CFAP54: variants seen among roughly 807,000 people sequenced by gnomAD.
CFAP54 encodes the protein cilia and flagella associated protein 54, also known as cilia- and flagella-associated protein 54.
In CFAP54, 290 loss-of-function variants were observed where a neutral mutation model predicts 370.4. The observed-to-expected ratio is 0.78, with a 90% CI of 0.71 to 0.86. CFAP54 has a LOEUF of 0.86. Among genes scored for constraint, CFAP54 ranks in the 40% least tolerant of loss-of-function variants. The pLI is 0.00. For synonymous variants in CFAP54, 1,206 were observed against 1,236.5 expected (o/e 0.98, Z 0.52); for missense variants, 3,399 against 3,528.7 (o/e 0.96, Z 0.93).
chr12:96,562,848 A>G (rs1955830433), intron 17 of CFAP54, among the ~76,000 whole-genome samples: 1 of 152,132 alleles, frequency 6.6e-6, no homozygotes, highest in South Asian at 2.1e-4. Flanking sequence ...TTCTCCTATG[A>G]CCTGCTGGGT....
intron 67 of CFAP54, among the ~76,000 whole-genome samples, chr12:96,866,215 A>G (rs1485540863): frequency 1.3e-5 from 2 of 152,064 alleles, no homozygotes; most frequent in African/African-American, 4.8e-5. Flanking sequence ...ATGAATTGCA[A>G]CTTTGACTCT....
At position 96,728,451 on chromosome 12, in the gene CFAP54, TC is replaced by T. The variant is rs1260037612; in HGVS notation, c.6965+7887del. Among the ~76,000 whole-genome samples, 111 of 152,362 alleles carry T rather than the reference TC, an allele frequency of 7.3e-4. 1 individual carries two copies. In the East Asian group the frequency reaches 0.02, roughly 28 times the overall value. ...TTCATCTTCCATCACTGATACCCTT[TC>T]TTCCAGTTGATCGCATCAGCTCCTG... On this transcript the variant is annotated intron_variant, in intron 50 of 67. Coordinates refer to ENST00000524981, the MANE Select transcript of CFAP54 (RefSeq NM_001306084.2).
At chr12:96,750,815 T>C (rs1958173701) in intron 55 of CFAP54, among the ~76,000 whole-genome samples, 1 of 152,190 alleles carries the variant, frequency 6.6e-6, no homozygotes, top group African/African-American at 2.4e-5. Context: ...TGTATTATAT[T>C]AAACACAGAC....
At chr12:96,873,010 T>C (rs905359717) in intron 67 of CFAP54, among the ~76,000 whole-genome samples, 1 of 152,044 alleles carries the variant, frequency 6.6e-6, no homozygotes, top group African/African-American at 2.4e-5. Context: ...GGTTGTACAG[T>C]GGATTAAGTG....
Position 96,720,501 on chromosome 12 carries a change from A to T in CFAP54, c.6901A>T (p.Ile2301Phe). 6.2e-7 allele frequency: 1 copy of T among 1,600,124 alleles called. No homozygotes were observed. Among genetic ancestry groups the T allele is most frequent in the Non-Finnish European group, 8.5e-7 (1 of 1,171,848 alleles). Residue 2301 changes from isoleucine to phenylalanine, a missense_variant, in exon 50 of 68, where the codon ATT (isoleucine) becomes TTT (phenylalanine). Physicochemically the swap from Ile to Phe is conservative, Grantham distance 21. Transcript: ENST00000524981. Reference sequence around the variant, plus strand: ...TCAGTGCTCCGCTGGCGAGCTGGAGATTGTGGTGGAGGCCCGGCTTCAGCT... The same window carrying T: ...TCAGTGCTCCGCTGGCGAGCTGGAGTTTGTGGTGGAGGCCCGGCTTCAGCT... ...LSQCSAGELE[I>F]VVEARLQLAA... is the part of the protein sequence containing the mutation.
chr12:96,492,850 C>T (rs554273753), intron 1 of CFAP54, among the ~76,000 whole-genome samples: 11 of 152,144 alleles, frequency 7.2e-5, no homozygotes, highest in African/African-American at 2.2e-4. Context: ...AAAAATTAGC[C>T]GGGCGTGGTG....
chr12:96,714,092 A>G (rs1244100065), intron 48 of CFAP54, among the ~76,000 whole-genome samples: 1 of 152,178 alleles, frequency 6.6e-6, no homozygotes, highest in Non-Finnish European at 1.5e-5. Flanking sequence ...GGGTTAGGGG[A>G]ACGAACAGGG....
intron 46 of CFAP54, among the ~76,000 whole-genome samples, chr12:96,704,151 G>A (rs12322371): frequency 0.7 from 105,704 of 151,914 alleles, 37,365 homozygotes; most frequent in African/African-American, 0.8. Context: ...ACATCGGCCA[G>A]GTGCAGTGGC....
chr12:96,591,539 T>C (rs1956124211), intron 23 of CFAP54, among the ~76,000 whole-genome samples: 1 of 151,886 alleles, frequency 6.6e-6, no homozygotes, highest in African/African-American at 2.4e-5. Context: ...AACACTATGG[T>C]GGTCGAGCCT....
At chr12:96,579,695 T>G (rs1022236142) in intron 20 of CFAP54, among the ~76,000 whole-genome samples, 1 of 152,114 alleles carries the variant, frequency 6.6e-6, no homozygotes, top group African/African-American at 2.4e-5. Flanking sequence ...TTCATAATAC[T>G]ACCCCGTCAG....
rs1214320756 is a variant in CFAP54, at chr12:96,792,343, T to A, written c.8694T>A (p.Ser2898Arg). The change falls in exon 63 of 68, where the codon AGT becomes AGA. Residue 2898 changes from serine (S) to arginine (R), a missense_variant. Ser to Arg is a moderately radical substitution (Grantham distance 110). Transcript: ENST00000524981. ...RESSAKLYRDSSVQSILSFKP... is the reference protein window; with the variant it reads ...RESSAKLYRDRSVQSILSFKP... ...TTGTTCCCTAGTTGTATCGCGATAGTTCTGTACAATCCATTTTATCTTTTA... is the reference window on the plus strand; with the variant it reads ...TTGTTCCCTAGTTGTATCGCGATAGATCTGTACAATCCATTTTATCTTTTA... 7 of 1,533,552 alleles carry A rather than the reference T, an allele frequency of 4.6e-6. No homozygotes were observed. Among genetic ancestry groups the A allele is most frequent in the Non-Finnish European group, 6.1e-6 (7 of 1,145,916 alleles). The allele number at this position is 1,533,552 out of a possible 1,614,324, so 95.0% of individuals were successfully genotyped here.
intron 14 of CFAP54, among the ~76,000 whole-genome samples, chr12:96,543,257 A>G (rs1192335179): frequency 6.6e-6 from 1 of 152,194 alleles, no homozygotes; most frequent in Non-Finnish European, 1.5e-5. Context: ...GAAGTAGTTT[A>G]TTTGGGACCT....
chr12:96,564,428 A>T, intron 17 of CFAP54, 40 bp from the exon 18 acceptor site: 1 of 675,132 alleles, frequency 1.5e-6, no homozygotes, highest in Non-Finnish European at 2.7e-6. Flanking sequence ...CCTCTCTTGG[A>T]TACATACTTA....
In CFAP54 at chr12:96,581,089, G is replaced by T; in HGVS notation, c.3059G>T (p.Arg1020Leu). The change falls in exon 22 of 68, where the codon CGG becomes CTG. Residue 1020 changes from arginine to leucine, a missense_variant. Transcript: ENST00000524981. ...VYPPLSTITA[R>L]MFLTQVAYQV... is the part of the protein sequence containing the mutation. ...CCCCCTCTTTCTACTATTACTGCTC[G>T]GATGTTCCTGACACAGGTAGAAAAG... is the stretch of plus-strand genomic sequence containing the variant. 1.3e-6 allele frequency: 2 copies of T among 1,496,512 alleles called. No homozygotes were observed. Among genetic ancestry groups the T allele is most frequent in the Non-Finnish European group, 1.8e-6 (2 of 1,128,598 alleles). The allele number at this position is 1,496,512 out of a possible 1,614,324, so 92.7% of individuals were successfully genotyped here.
rs764292523 is a variant in CFAP54 at position 96,621,695 on chromosome 12, A to G, written c.3745A>G (p.Asn1249Asp). ...PGCKSLFDGS[N>D]EQEEMPEEDS... is the part of the protein sequence containing the mutation. ...ATGCAAGTCTCTGTTTGATGGTAGT[A>G]ATGAACAAGAAGAAATGCCAGAGGA... The change falls in exon 27 of 68, where the codon AAT becomes GAT. Residue 1249 changes from asparagine to aspartate, a missense_variant. Asn to Asp is a conservative substitution (Grantham distance 23). Transcript: ENST00000524981. 2.0e-6 allele frequency: 3 copies of G among 1,525,238 alleles called. No homozygotes were observed. 94.5% of individuals were successfully genotyped at this position (1,525,238 alleles called of 1,614,324 possible). A position where few individuals can be genotyped will look rare whatever the true frequency, so the allele number is the denominator to read the frequency against.
intron 50 of CFAP54, among the ~76,000 whole-genome samples, chr12:96,731,128 C>T (rs1419811503): frequency 1.3e-5 from 2 of 152,196 alleles, no homozygotes; most frequent in African/African-American, 4.8e-5. Flanking sequence ...ACTTCTGGCG[C>T]CTCACCATGA....
intron 51 of CFAP54, among the ~76,000 whole-genome samples, chr12:96,741,449 C>T (rs893858743): frequency 2.6e-5 from 4 of 152,134 alleles, no homozygotes; most frequent in South Asian, 2.1e-4. Context: ...AGGTGTGAGC[C>T]ACCGCGCCGC....
At chr12:96,501,013 C>T in intron 2 of CFAP54, 74 bp downstream of exon 2, 1 of 765,830 alleles carries the variant, frequency 1.3e-6, no homozygotes, top group Non-Finnish European at 2.0e-6. Flanking sequence ...TAGTCTGATA[C>T]CCTTCCTATT....
In CFAP54 at chr12:96,621,736, T is replaced by C. The variant is rs1956492173; in HGVS notation, c.3771+15T>C. On this transcript the variant is annotated intron_variant, in intron 27 of 67. Coordinates refer to ENST00000524981, the MANE Select transcript of CFAP54 (RefSeq NM_001306084.2). ...TGCCAGAGGAGGTAATTGTTTTTGT[T>C]TCTCATTTTTAAACCTACGTTTAGT... 1 of 1,517,166 alleles carries C rather than the reference T, an allele frequency of 6.6e-7. No homozygotes were observed. The highest frequency in any genetic ancestry group is 1.4e-5 in the African/African-American group (1 of 72,470). 94.0% of individuals were successfully genotyped at this position (1,517,166 alleles called of 1,614,324 possible).
Sources: allele counts gnomAD v4.1 joint callset (sites outside exome capture counted in the v4.1 genomes callset), GRCh38; gene constraint gnomAD v4.1.1; transcripts MANE v1.5; gene names NCBI Gene and HGNC (gene_info 2026-07-23, HGNC 2026-07-21).